The following PCLO variants were observed in gnomAD, a reference collection of about 807,000 sequenced individuals.
PCLO encodes the protein protein piccolo.
A neutral mutation model predicts 427.5 loss-of-function variants in PCLO; 82 were observed. The ratio of observed to expected loss-of-function variants is 0.19; its 90% CI spans 0.16 to 0.23. The LOEUF (loss-of-function observed/expected upper bound fraction) is 0.23, where lower values mean the gene tolerates loss of function less well. Among genes scored for constraint, PCLO ranks in the 10% least tolerant of loss-of-function variants. The pLI is 1.00. For missense variants in PCLO, 6,239 were observed against 6,115.9 expected (o/e 1.02, Z -0.67); for synonymous variants, 2,357 against 2,155.4 (o/e 1.09, Z -2.59).
rs562334815 is a variant in PCLO at position 83,138,610 on chromosome 7, G to A, written c.1894-2954C>T. On this transcript the variant is annotated intron_variant, in intron 2 of 24. Coordinates refer to ENST00000333891, the MANE Select transcript of PCLO (RefSeq NM_033026.6). ...TGGGAGGTGGAGGTTGCATTGAGCC[G>A]AGAAGCACTCCAGCCTGGATGACGG... Among the ~76,000 whole-genome samples the A allele has an allele frequency of 1.5e-3, 233 of 151,966 alleles. 1 individual carries two copies. The highest frequency in any genetic ancestry group is 5.4e-3 in the African/African-American group (222 of 41,454).
intron 16 of PCLO, among the ~76,000 whole-genome samples, chr7:82,834,685 T>G (rs1457089687): frequency 1.3e-5 from 2 of 152,174 alleles, no homozygotes; most frequent in African/African-American, 4.8e-5. Context: ...CAATGAGAGA[T>G]GTGCAAAATA....
chr7:83,112,596 T>G (rs1264508662), intron 3 of PCLO, among the ~76,000 whole-genome samples: 3 of 152,170 alleles, frequency 2.0e-5, no homozygotes, highest in Non-Finnish European at 4.4e-5. Flanking sequence ...TATATTCTTG[T>G]TGGTAATGTC....
chr7:83,152,055 C>T, intron 2 of PCLO, among the ~76,000 whole-genome samples: 1 of 152,044 alleles, frequency 6.6e-6, no homozygotes, highest in Admixed American at 6.5e-5. Flanking sequence ...AGCTCCGCCT[C>T]CCCGGTTCAG....
chr7:82,857,445 A>C (rs1792837914), intron 10 of PCLO, among the ~76,000 whole-genome samples: 1 of 152,124 alleles, frequency 6.6e-6, no homozygotes, highest in Non-Finnish European at 1.5e-5. Context: ...CTGTTACTTA[A>C]ATGTATCTTA....
intron 9 of PCLO, among the ~76,000 whole-genome samples, chr7:82,883,388 A>C (rs909135624): frequency 6.6e-6 from 1 of 152,214 alleles, no homozygotes; most frequent in African/African-American, 2.4e-5. Flanking sequence ...TATACATAAA[A>C]GTGTTTAAGA....
intron 22 of PCLO, among the ~76,000 whole-genome samples, chr7:82,796,621 A>C (rs1013887863): frequency 1.1e-4 from 17 of 151,490 alleles, no homozygotes; most frequent in African/African-American, 3.9e-4. Flanking sequence ...AAAGCATATA[A>C]TTTTCCCTCT....
chr7:82,814,321 A>G (rs966216258), intron 20 of PCLO, among the ~76,000 whole-genome samples: 3 of 151,676 alleles, frequency 2.0e-5, no homozygotes, highest in South Asian at 4.1e-4. Flanking sequence ...GAAGAGATAT[A>G]TAAGATACAG....
At position 82,876,554 on chromosome 7, in the gene PCLO, T is replaced by G. The variant is rs527678709; in HGVS notation, c.13654+2783A>C. On this transcript the variant is annotated intron_variant, in intron 10 of 24. Transcript: ENST00000333891. ...CAGGTGAATACTTGTGAATACCCAT[T>G]TGAACTTGTAAACTTCTAGCTAGTT... is the stretch of plus-strand genomic sequence containing the variant. Among the ~76,000 whole-genome samples, 4 of 151,736 alleles carry G rather than the reference T, an allele frequency of 2.6e-5. No homozygotes were observed. The South Asian group carries it at 8.3e-4, about 32-fold the overall frequency.
chr7:82,868,706 A>G (rs970872341), intron 10 of PCLO, among the ~76,000 whole-genome samples: 4 of 152,196 alleles, frequency 2.6e-5, no homozygotes, highest in Non-Finnish European at 5.9e-5. Flanking sequence ...AACATAGGAT[A>G]TCACTGGTTT....
intron 9 of PCLO, among the ~76,000 whole-genome samples, chr7:82,893,233 C>T (rs1793815294): frequency 6.6e-6 from 1 of 151,762 alleles, no homozygotes; most frequent in Non-Finnish European, 1.5e-5. Flanking sequence ...CCATGGAATA[C>T]TATGCAGCCA....
At chr7:82,843,943 G>A (rs922180259) in intron 13 of PCLO, among the ~76,000 whole-genome samples, 1 of 151,950 alleles carries the variant, frequency 6.6e-6, no homozygotes, top group African/African-American at 2.4e-5. Context: ...GGGGATTACA[G>A]GCATGAGCCA....
At chr7:82,947,328 T>A (rs1022299485) in intron 6 of PCLO, among the ~76,000 whole-genome samples, 2 of 152,204 alleles carry the variant, frequency 1.3e-5, no homozygotes, top group African/African-American at 4.8e-5. Flanking sequence ...TAAATCTTAC[T>A]GGTCTGTGAA....
At position 83,155,887 on chromosome 7, in the gene PCLO, G is replaced by A; in HGVS notation, c.754C>T (p.Pro252Ser). The part of the protein sequence containing the change: ...QQPEKIKSQP[P>S]GTGKPIQGPT... ...CCCTGAATTGGCTTTCCTGTACCTG[G>A]AGGTTGTGATTTAATTTTTTCTGGT... Residue 252 changes from proline (P) to serine (S), a missense_variant, in exon 2 of 25, where the codon CCA (proline) becomes TCA (serine). Physicochemically the swap from Pro to Ser is moderately conservative, Grantham distance 74 (BLOSUM62 -1). Around this residue, in one of 5 missense-constraint regions of PCLO, gnomAD observed 4,677 missense variants for 4,468.4 expected, o/e 1.05. Transcript: ENST00000333891. 1.9e-6 allele frequency: 3 copies of A among 1,613,950 alleles called. No individual in the cohort carries two copies. The highest frequency in any genetic ancestry group is 2.5e-6 in the Non-Finnish European group (3 of 1,179,884).
At position 82,932,973 on chromosome 7, in the gene PCLO, T is replaced by G. The variant is rs193177806; in HGVS notation, c.11113-16100A>C. On this transcript the variant is annotated intron_variant, in intron 6 of 24. Transcript: ENST00000333891. Reference sequence around the variant, plus strand: ...GTCTTGAATATGATTTGGTTTTGTATGTTTTTGACAGTCCCTTTATTCTGA... The same window carrying G: ...GTCTTGAATATGATTTGGTTTTGTAGGTTTTTGACAGTCCCTTTATTCTGA... Among the ~76,000 whole-genome samples the G allele has an allele frequency of 2.5e-3, 379 of 152,182 alleles. 1 individual carries two copies. Among genetic ancestry groups the G allele is most frequent in the African/African-American group, 8.8e-3 (367 of 41,568 alleles).
intron 6 of PCLO, among the ~76,000 whole-genome samples, chr7:82,939,387 T>C (rs933127709): frequency 6.6e-6 from 1 of 152,024 alleles, no homozygotes; most frequent in Non-Finnish European, 1.5e-5. Context: ...TTGAGGTAAA[T>C]ATATTTTATG....
chr7:83,097,636 T>G (rs1790627146), intron 3 of PCLO, among the ~76,000 whole-genome samples: 1 of 150,474 alleles, frequency 6.6e-6, no homozygotes, highest in Non-Finnish European at 1.5e-5. Flanking sequence ...TTTATAAACT[T>G]AAACAGTCTA....
At chr7:83,074,303 T>C (rs1236529351) in intron 3 of PCLO, among the ~76,000 whole-genome samples, 1 of 151,962 alleles carries the variant, frequency 6.6e-6, no homozygotes, top group East Asian at 1.9e-4. Context: ...ATAACTACAT[T>C]TGTTTCATAG....
At chr7:83,076,552 C>T (rs751020398) in intron 3 of PCLO, among the ~76,000 whole-genome samples, 1 of 151,868 alleles carries the variant, frequency 6.6e-6, no homozygotes, top group Non-Finnish European at 1.5e-5. Context: ...CCTGAGCCAC[C>T]GCACCTGGCA....
intron 6 of PCLO, among the ~76,000 whole-genome samples, chr7:82,931,955 G>T (rs1449193203): frequency 2.6e-5 from 4 of 152,098 alleles, no homozygotes; most frequent in African/African-American, 9.7e-5. Flanking sequence ...GAAGTATGTG[G>T]TAGAGGGCAG....
Sources: gnomAD v4.1 joint callset for allele counts (sites outside exome capture counted in the v4.1 genomes callset) on GRCh38, gnomAD v4.1.1 for gene constraint, gnomAD v4.1.1 regional missense constraint, MANE v1.5 for transcripts, NCBI Gene and HGNC (gene_info 2026-07-23, HGNC 2026-07-21) for gene names.